The following TEX9 variants were observed in gnomAD, a reference collection of about 807,000 sequenced individuals.
TEX9 encodes testis expressed 9, also known as testis-expressed protein 9.
A neutral mutation model predicts 59.6 loss-of-function variants in TEX9; 74 were observed. The ratio of observed to expected loss-of-function variants is 1.24; its 90% CI spans 1.03 to 1.51. TEX9 has a LOEUF of 1.51. Among genes scored for constraint, TEX9 ranks in the 40% most tolerant of loss-of-function variants. TEX9 has a pLI of 0.00. For missense variants in TEX9, 522 were observed against 447.8 expected (o/e 1.17, Z -1.49); for synonymous variants, 186 against 152.2 (o/e 1.22, Z -1.64).
chr15:56,320,445 G>C (rs1027368008), intron 1 of TEX9, among the ~76,000 whole-genome samples: 2 of 152,124 alleles, frequency 1.3e-5, no homozygotes, highest in Non-Finnish European at 2.9e-5. Context: ...TTTTTACTAT[G>C]TCCTTACATG....
At chr15:56,360,577 G>A (rs1331999901), upstream of TEX9, among the ~76,000 whole-genome samples, 2 of 152,068 alleles carry the variant, frequency 1.3e-5, no homozygotes, top group Non-Finnish European at 2.9e-5. Context: ...TGTTGGTACT[G>A]TATTGTTTAT....
intron 1 of TEX9, among the ~76,000 whole-genome samples, chr15:56,270,442 T>C (rs2044500287): frequency 1.3e-5 from 2 of 152,224 alleles, no homozygotes; most frequent in Middle Eastern, 3.2e-3. Context: ...GTTTAAAGTC[T>C]GTTTTATCAG....
chr15:56,290,368 A>T (rs538747142), intron 1 of TEX9, among the ~76,000 whole-genome samples: 1 of 152,184 alleles, frequency 6.6e-6, no homozygotes, highest in African/African-American at 2.4e-5. Flanking sequence ...TGCATGGCTG[A>T]TACCAATAGC....
intron 11 of TEX9, 57 bp from the exon 12 acceptor site, chr15:56,428,310 T>A (rs2050420472): frequency 2.3e-6 from 3 of 1,277,014 alleles, no homozygotes; most frequent in Non-Finnish European, 3.4e-6. Context: ...AACTTCCTGT[T>A]GTTTGGTGGC....
chr15:56,442,832 A>G (rs1362310536), intron 12 of TEX9, among the ~76,000 whole-genome samples: 1 of 151,956 alleles, frequency 6.6e-6, no homozygotes. Context: ...CCAAATCCCC[A>G]TGACCCACAA....
rs536341624 is a variant in TEX9, at chr15:56,278,845, C to T, written c.-107+34567C>T. Among the ~76,000 whole-genome samples, 66 of 151,964 alleles carry T rather than the reference C, an allele frequency of 4.3e-4. 3 individuals are homozygous for T. In the South Asian group the frequency reaches 0.012, roughly 29 times the overall value. ...CCCACTCAGTCCGTCCCTCTATCTG[C>T]ATCAAGTTCAGTCCTTAATCCAAGC... On this transcript the variant is annotated intron_variant, in intron 1 of 5. Coordinates refer to the TEX9 transcript ENST00000560827.
intron 1 of TEX9, among the ~76,000 whole-genome samples, chr15:56,315,964 T>A (rs1355406457): frequency 6.6e-6 from 1 of 151,724 alleles, no homozygotes; most frequent in Non-Finnish European, 1.5e-5. Flanking sequence ...GCTTCTGCAT[T>A]CTTCACGTAG....
intron 1 of TEX9, among the ~76,000 whole-genome samples, chr15:56,268,081 T>A (rs1485212355): frequency 2.6e-5 from 4 of 152,142 alleles, no homozygotes; most frequent in Non-Finnish European, 5.9e-5. Flanking sequence ...ATTCTCTTTG[T>A]AGCAATTGTG....
At chr15:56,445,463 A>T (rs2050890902) in intron 12 of TEX9, among the ~76,000 whole-genome samples, 2 of 152,064 alleles carry the variant, frequency 1.3e-5, no homozygotes, top group East Asian at 1.9e-4. Flanking sequence ...CATAAAGAGT[A>T]AACAGATTAA....
At chr15:56,322,830 A>G (rs1200262439) in intron 1 of TEX9, among the ~76,000 whole-genome samples, 1 of 127,282 alleles carries the variant, frequency 7.9e-6, no homozygotes, top group Non-Finnish European at 1.8e-5. Flanking sequence ...ACAGTACATA[A>G]TCACATTACA....
At chr15:56,306,257 CAAAAA>C (rs55882329) in intron 1 of TEX9, among the ~76,000 whole-genome samples, 4 of 79,434 alleles carry the variant, frequency 5.0e-5, no homozygotes, top group South Asian at 4.8e-4. Context: ...AGGTACATAG[CAAAAA>C]AAAAAAAAAA....
At chr15:56,439,544 G>T (rs1273838464) in intron 12 of TEX9, among the ~76,000 whole-genome samples, 3 of 152,048 alleles carry the variant, frequency 2.0e-5, no homozygotes, top group Non-Finnish European at 4.4e-5. Context: ...ACAAAATAGA[G>T]ACCACAGGAA....
intron 1 of TEX9, among the ~76,000 whole-genome samples, chr15:56,254,903 A>T (rs2141314920): frequency 6.6e-6 from 1 of 152,030 alleles, no homozygotes; most frequent in Middle Eastern, 3.4e-3. Context: ...TTTGAAATAA[A>T]CTCAGGACAT....
chr15:56,460,003 A>T, the TEX9 span, among the ~76,000 whole-genome samples: 48 of 32,850 alleles, frequency 1.5e-3, 2 homozygotes, highest in African/African-American at 7.9e-4. Context: ...AAAAAAAAAA[A>T]AAAAAAATAC....
the TEX9 span, among the ~76,000 whole-genome samples, chr15:56,458,669 C>G: frequency 6.6e-6 from 1 of 152,186 alleles, no homozygotes; most frequent in Non-Finnish European, 1.5e-5. Flanking sequence ...CATAGTTTTG[C>G]CTTTCCCAGA....
chr15:56,298,702 C>T (rs1236173458), intron 1 of TEX9, among the ~76,000 whole-genome samples: 1 of 152,140 alleles, frequency 6.6e-6, no homozygotes, highest in Non-Finnish European at 1.5e-5. Context: ...TTCTTTAATC[C>T]TCCCAACTCT....
chr15:56,265,163 CTT>C (rs201903728), intron 1 of TEX9, among the ~76,000 whole-genome samples: 19 of 134,230 alleles, frequency 1.4e-4, no homozygotes, highest in Non-Finnish European at 1.1e-4. Flanking sequence ...CCTTTTCTTT[CTT>C]TTTTTTTTTT....
chr15:56,403,184 G>A lies in TEX9; in HGVS notation c.828+8350G>A, dbSNP rs566101810. On this transcript the variant is annotated intron_variant, in intron 9 of 12. Coordinates refer to ENST00000352903, the Ensembl canonical transcript of TEX9. ...AAAGGGTATTCAATTATGAAAAGAG[G>A]AAGTCAAATTGTCCCTGTTTGCAGA... is the stretch of plus-strand genomic sequence containing the variant. 5.9e-3 allele frequency among the ~76,000 whole-genome samples: 904 copies of A among 152,344 alleles called. 8 individuals carry two copies. The highest frequency in any genetic ancestry group is 0.016 in the South Asian group (79 of 4,832).
chr15:56,367,072 T>A (rs1280496159), intron 2 of TEX9, among the ~76,000 whole-genome samples: 1 of 152,252 alleles, frequency 6.6e-6, no homozygotes, highest in Non-Finnish European at 1.5e-5. Context: ...GAGTGTATTT[T>A]GCACCTGGTT....
Sources: allele counts gnomAD v4.1 joint callset (sites outside exome capture counted in the v4.1 genomes callset), GRCh38; gene constraint gnomAD v4.1.1; transcripts MANE v1.5; gene names NCBI Gene and HGNC (gene_info 2026-07-23, HGNC 2026-07-21).